ANKRD23: variants seen among roughly 807,000 people sequenced by gnomAD.
ANKRD23 encodes the protein ankyrin repeat domain 23.
ANKRD23 carries 52 observed loss-of-function variants against 38.1 expected under a neutral mutation model. That is an observed-to-expected ratio of 1.36 (90% CI 1.09 to 1.72). The LOEUF is 1.72. ANKRD23 is among the 40% of genes most tolerant of loss of function. The pLI is 0.00. For missense variants in ANKRD23, 416 were observed against 400.2 expected, an observed-to-expected ratio of 1.04 and a Z score of -0.34; for synonymous variants, 167 against 162.9, an observed-to-expected ratio of 1.03 and a Z score of -0.19.
In ANKRD23 at chr2:96,844,002, T is replaced by C. The variant is rs1462317222; in HGVS notation, c.-10A>G. ...TGCTGATGAAGTCCATGGTCCCCCC[T>C]GTTCCTCACACCCCCCAGTGAGAAG... is the stretch of plus-strand genomic sequence containing the variant. On this transcript the variant is annotated 5_prime_UTR_variant, in exon 1 of 9. Coordinates refer to ENST00000318357, the MANE Select transcript of ANKRD23 (RefSeq NM_144994.8). 6.3e-7 allele frequency: 1 copy of C among 1,599,188 alleles called. No homozygotes were observed. Among genetic ancestry groups the C allele is most frequent in the South Asian group, 1.1e-5 (1 of 88,576 alleles).
chr2:96,840,984 G>A (rs964293476), intron 3 of ANKRD23, 72 bp from the exon 4 acceptor site: 3 of 1,578,336 alleles, frequency 1.9e-6, no homozygotes, highest in Non-Finnish European at 2.6e-6. Flanking sequence ...AGCTTCACCA[G>A]TCTGGCCCAC....
Position 96,840,532 on chromosome 2 carries a change from A to C in ANKRD23, c.427-18T>G, listed in dbSNP as rs535347477. ...CGGTGGAGCTGAGGGCAGAGATGGA[A>C]GATTAGGCAGAGGGAGTGCAGCCAC... On this transcript the variant is annotated intron_variant, in intron 4 of 8. Coordinates refer to ENST00000318357, the MANE Select transcript of ANKRD23 (RefSeq NM_144994.8). 1.2e-6 allele frequency: 2 copies of C among 1,612,750 alleles called. No homozygotes were observed. Among genetic ancestry groups the C allele is most frequent in the African/African-American group, 2.7e-5 (2 of 75,026 alleles).
Position 96,839,808 on chromosome 2 carries a change from C to CAG in ANKRD23, c.739_740dup (p.His248CysfsTer13), listed in dbSNP as rs765717120. ...AGCTGCCGTGCCGCACGGCCTCGTG[C>CAG]AGAGCCGTGTCCCCTTCCTGCTGAG... On this transcript the variant is annotated frameshift_variant, in exon 8 of 9. Transcript: ENST00000318357. LOFTEE classifies it high-confidence loss of function. The CAG allele has an allele frequency of 5.2e-5, 84 of 1,612,974 alleles. 3 individuals carry two copies. The highest frequency in any genetic ancestry group is 5.0e-4 in the Middle Eastern group (3 of 6,052).
intron 2 of ANKRD23, 86 bp downstream of exon 2, chr2:96,842,279 C>T (rs536730749): frequency 6.2e-6 from 10 of 1,605,134 alleles, no homozygotes; most frequent in Non-Finnish European, 8.5e-6. Flanking sequence ...TCAGGCTGCC[C>T]CACCAGAGTC....
chr2:96,838,607 G>C lies in ANKRD23; in HGVS notation c.*942C>G. 1 of 985,670 alleles carries C rather than the reference G, an allele frequency of 1.0e-6. No individual in the cohort carries two copies. The highest frequency in any genetic ancestry group is 1.2e-6 in the Non-Finnish European group (1 of 830,164). 61.1% of individuals were successfully genotyped at this position (985,670 alleles called of 1,614,324 possible). ...TGCAGCGTTCCAGGCAAGAGCTCAA[G>C]CTCCAGTACCAGGAACATAAGGGGA... On this transcript the variant is annotated 3_prime_UTR_variant, in exon 9 of 9. Transcript: ENST00000318357.
At position 96,839,757 on chromosome 2, in the gene ANKRD23, G is replaced by A. The variant is rs1450330430; in HGVS notation, c.792C>T (p.Leu264=). The change falls in exon 8 of 9, where the codon CTC becomes CTT. Residue 264 remains leucine, a synonymous_variant. Transcript: ENST00000318357. ...GSYKAMKLLL[L]YGAELGVRNA... ...TCCGCACCCCCAGCTCGGCCCCATA[G>A]AGCAGCAGTAGCTTCATGGCTTTGT... 4 of 1,613,498 alleles carry A rather than the reference G, an allele frequency of 2.5e-6. No individual in the cohort carries two copies. The South Asian group carries it at 4.4e-5, about 18-fold the overall frequency.
chr2:96,839,696 G>T lies in ANKRD23; in HGVS notation c.822+31C>A, dbSNP rs914567696. ...CTTGCAGGCGCTCCACCCGCCCTCG[G>T]GTCAGGAGCCAGGGCTGCGCCCACA... On this transcript the variant is annotated intron_variant, in intron 8 of 8. Coordinates refer to ENST00000318357, the MANE Select transcript of ANKRD23 (RefSeq NM_144994.8). The T allele has an allele frequency of 3.7e-6, 6 of 1,605,002 alleles. No individual in the cohort carries two copies. The African/African-American group carries it at 8.0e-5, about 21-fold the overall frequency.
In ANKRD23 at chr2:96,839,260, T is replaced by TC. The variant is rs1328786474; in HGVS notation, c.*288dup. 41 of 1,175,764 alleles carry TC rather than the reference T, an allele frequency of 3.5e-5. No individual in the cohort carries two copies. The Admixed American group carries it at 9.4e-4, about 27-fold the overall frequency. The allele number at this position is 1,175,764 out of a possible 1,614,324, so 72.8% of individuals were successfully genotyped here. On this transcript the variant is annotated 3_prime_UTR_variant, in exon 9 of 9. Transcript: ENST00000318357. ...GGCTCGTTCTTGGCCCTCACTCTCC[T>TC]CCCCTTCCTGGCCCTCATCTGGACC... is the stretch of plus-strand genomic sequence containing the variant.
At chr2:96,841,118 G>C (rs2079755850) in intron 3 of ANKRD23, 3 of 577,928 alleles carry the variant, frequency 5.2e-6, no homozygotes, top group South Asian at 4.7e-5. Flanking sequence ...GGATTGACTT[G>C]TATCTCCCCA....
chr2:96,841,973 G>A, intron 3 of ANKRD23, 87 bp downstream of exon 3: 1 of 1,579,814 alleles, frequency 6.3e-7, no homozygotes, highest in South Asian at 1.1e-5. Context: ...TGTGGTCCTG[G>A]CCTGCAGTGC....
At chr2:96,842,867 ATGT>A (rs1559022462) in intron 1 of ANKRD23, among the ~76,000 whole-genome samples, 1 of 152,156 alleles carries the variant, frequency 6.6e-6, no homozygotes, top group Non-Finnish European at 1.5e-5. Flanking sequence ...AGCTTCCCCC[ATGT>A]TGTTAAGATT....
Position 96,839,167 on chromosome 2 carries a change from G to A in ANKRD23, c.*382C>T. 9.8e-7 allele frequency: 1 copy of A among 1,020,628 alleles called. No homozygotes were observed. The highest frequency in any genetic ancestry group is 1.2e-6 in the Non-Finnish European group (1 of 853,716). The allele number at this position is 1,020,628 out of a possible 1,614,324, so 63.2% of individuals were successfully genotyped here. A position where few individuals can be genotyped will look rare whatever the true frequency, so the allele number is the denominator to read the frequency against. The stretch of plus-strand genomic sequence containing the variant: ...AGAGCAAGGCAAGCCCCCTAACCTG[G>A]GACAAGTGGACACTGAGGACTCCCA... On this transcript the variant is annotated 3_prime_UTR_variant, in exon 9 of 9. Coordinates refer to ENST00000318357, the MANE Select transcript of ANKRD23 (RefSeq NM_144994.8).
Position 96,840,805 on chromosome 2 carries a change from G to A in ANKRD23, c.408C>T (p.Asp136=). The part of the protein sequence containing the change: ...LIDKYLTDGG[D]PNAHDKLHRT... ...GTGCTACCTTGTCATGGGCATTGGG[G>A]TCCCCTCCGTCTGTCAAGTACTTGT... The change falls in exon 4 of 9, where the codon GAC becomes GAT. Residue 136 remains aspartate (D), a synonymous_variant. Transcript: ENST00000318357. 6.2e-7 allele frequency: 1 copy of A among 1,614,180 alleles called. No individual in the cohort carries two copies. The highest frequency in any genetic ancestry group is 1.1e-5 in the South Asian group (1 of 91,084).
intron 7 of ANKRD23, 61 bp downstream of exon 7, chr2:96,839,936 C>G: frequency 1.3e-6 from 2 of 1,549,436 alleles, no homozygotes; most frequent in South Asian, 2.4e-5. Flanking sequence ...CTGGCTGGGG[C>G]TCCTCAGTCC....
chr2:96,840,994 C>T (rs565918360), intron 3 of ANKRD23, 82 bp from the exon 4 acceptor site: 300 of 1,553,244 alleles, frequency 1.9e-4, no homozygotes, highest in South Asian at 5.1e-4. Context: ...GTCTGGCCCA[C>T]GGGTCCCATG....
In ANKRD23 at chr2:96,839,159, C is replaced by G; in HGVS notation, c.*390G>C. 9.9e-7 allele frequency: 1 copy of G among 1,014,410 alleles called. No homozygotes were observed. Among genetic ancestry groups the G allele is most frequent in the African/African-American group, 1.7e-5 (1 of 58,470 alleles). The allele number at this position is 1,014,410 out of a possible 1,614,324, so 62.8% of individuals were successfully genotyped here. On this transcript the variant is annotated 3_prime_UTR_variant, in exon 9 of 9. Transcript: ENST00000318357. Reference sequence around the variant, plus strand: ...CCCTGGAGAGAGCAAGGCAAGCCCCCTAACCTGGGACAAGTGGACACTGAG... The same window carrying G: ...CCCTGGAGAGAGCAAGGCAAGCCCCGTAACCTGGGACAAGTGGACACTGAG...
Position 96,839,729 on chromosome 2 carries a change from C to T in ANKRD23, c.820G>A (p.Ala274Thr). Residue 274 changes from alanine (A) to threonine (T), a missense_variant and splice_region_variant, in exon 8 of 9, where the codon GCG (alanine) becomes ACG (threonine). Coordinates refer to ENST00000318357, the MANE Select transcript of ANKRD23 (RefSeq NM_144994.8). Reference sequence around the variant, plus strand: ...GCCAGGGCTGCGCCCACACTCACCGCGTTCCGCACCCCCAGCTCGGCCCCA... The same window carrying T: ...GCCAGGGCTGCGCCCACACTCACCGTGTTCCGCACCCCCAGCTCGGCCCCA... ...LYGAELGVRNAASVTPVQLAR... is the reference protein window; with the variant it reads ...LYGAELGVRNTASVTPVQLAR... The T allele has an allele frequency of 1.2e-6, 2 of 1,613,000 alleles. No homozygotes were observed. Among genetic ancestry groups the T allele is most frequent in the Non-Finnish European group, 1.7e-6 (2 of 1,179,830 alleles).
Position 96,842,523 on chromosome 2 carries a change from G to A in ANKRD23, c.28-12C>T. On this transcript the variant is annotated splice_polypyrimidine_tract_variant and intron_variant, in intron 1 of 8. Coordinates refer to ENST00000318357, the MANE Select transcript of ANKRD23 (RefSeq NM_144994.8). ...CTTTCTCCACTTACCTGTAGGAACAGGATATGAGTACTGAGTTGGGAAAAT... is the reference window on the plus strand; with the variant it reads ...CTTTCTCCACTTACCTGTAGGAACAAGATATGAGTACTGAGTTGGGAAAAT... 4 of 1,609,976 alleles carry A rather than the reference G, an allele frequency of 2.5e-6. No homozygotes were observed. Among genetic ancestry groups the A allele is most frequent in the Non-Finnish European group, 3.4e-6 (4 of 1,178,580 alleles).
Position 96,842,043 on chromosome 2 carries a change from C to T in ANKRD23, c.300+17G>A. The T allele has an allele frequency of 1.9e-6, 3 of 1,613,488 alleles. No homozygotes were observed. The South Asian group carries it at 3.3e-5, about 18-fold the overall frequency. The stretch of plus-strand genomic sequence containing the variant: ...GCCCTGGTGTGTGCACTGCCCTAAC[C>T]CCGACCTCCCACTCACCTTAACCAG... On this transcript the variant is annotated intron_variant, in intron 3 of 8. Transcript: ENST00000318357.
Sources: allele counts gnomAD v4.1 joint callset (sites outside exome capture counted in the v4.1 genomes callset), GRCh38; gene constraint gnomAD v4.1.1; transcripts MANE v1.5; gene names NCBI Gene and HGNC (gene_info 2026-07-23, HGNC 2026-07-21).